RBFOX1: variants seen among roughly 807,000 people sequenced by gnomAD.
RBFOX1 encodes the protein RNA binding fox-1 homolog 1, also known as RNA binding protein fox-1 homolog 1.
In RBFOX1, 8 loss-of-function variants were observed where a neutral mutation model predicts 57.7. That is an observed-to-expected ratio of 0.14 (90% confidence interval 0.08 to 0.25). RBFOX1 has a LOEUF of 0.25. Ranked by LOEUF, RBFOX1 falls within the 10% of genes least tolerant of loss-of-function variation. The pLI is 1.00. For synonymous variants in RBFOX1, 326 were observed against 222.4 expected (o/e 1.47, Z -4.15); for missense variants, 611 against 548.5 (o/e 1.11, Z -1.14).
intron 3 of RBFOX1, among the ~76,000 whole-genome samples, chr16:5,682,661 A>C (rs2050376308): frequency 6.6e-6 from 1 of 152,184 alleles, no homozygotes; most frequent in African/African-American, 2.4e-5. Context: ...CCAAAGTCTC[A>C]AAGCTGAGAA....
At chr16:5,365,980 C>T (rs1246933177) in intron 1 of RBFOX1, 5 of 497,270 alleles carry the variant, frequency 1.0e-5, no homozygotes, top group Admixed American at 6.1e-5. Flanking sequence ...ATTGTGGAAG[C>T]AGAGGCAGTG....
At chr16:5,915,552 CT>C (rs2058686666) in intron 4 of RBFOX1, among the ~76,000 whole-genome samples, 1 of 152,098 alleles carries the variant, frequency 6.6e-6, no homozygotes, top group Non-Finnish European at 1.5e-5. Context: ...AGAAGACAGG[CT>C]GGGCGCCGTG....
At chr16:6,199,936 A>G (rs570493685) in intron 1 of RBFOX1, among the ~76,000 whole-genome samples, 4 of 152,232 alleles carry the variant, frequency 2.6e-5, no homozygotes, top group African/African-American at 4.8e-5. Flanking sequence ...GAGCACAGCC[A>G]GAAACTACAG....
intron 3 of RBFOX1, among the ~76,000 whole-genome samples, chr16:5,825,962 T>C (rs1454453117): frequency 2.1e-5 from 1 of 47,014 alleles, no homozygotes; most frequent in African/African-American, 1.3e-4. Flanking sequence ...TTCCGTAATA[T>C]GAATAAGGAA....
intron 4 of RBFOX1, among the ~76,000 whole-genome samples, chr16:5,987,495 T>G (rs943570993): frequency 3.9e-5 from 6 of 152,218 alleles, no homozygotes; most frequent in Admixed American, 6.5e-5. Flanking sequence ...AAGCTTTTTA[T>G]AGTTTTACAT....
intron 1 of RBFOX1, among the ~76,000 whole-genome samples, chr16:6,245,159 G>A (rs573589895): frequency 2.0e-5 from 3 of 152,208 alleles, no homozygotes; most frequent in Non-Finnish European, 2.9e-5. Context: ...AAATAAATGC[G>A]TGATTGAATG....
chr16:6,617,103 C>G (rs893606826), intron 2 of RBFOX1, among the ~76,000 whole-genome samples: 3 of 151,960 alleles, frequency 2.0e-5, no homozygotes, highest in East Asian at 3.9e-4. Flanking sequence ...TGGCCCACCA[C>G]GAAGAGTTTT....
intron 2 of RBFOX1, among the ~76,000 whole-genome samples, chr16:6,418,268 A>C (rs2093679435): frequency 1.3e-5 from 2 of 152,282 alleles, no homozygotes; most frequent in South Asian, 4.1e-4. Context: ...TCTGGAAATA[A>C]ATCTAGGAGG....
At chr16:5,811,492 C>G (rs1040991207) in intron 3 of RBFOX1, among the ~76,000 whole-genome samples, 1 of 150,076 alleles carries the variant, frequency 6.7e-6, no homozygotes, top group African/African-American at 2.5e-5. Flanking sequence ...CATTCTGTCA[C>G]CAGGCTGGAG....
At chr16:6,825,023 G>T (rs566152733) in intron 3 of RBFOX1, among the ~76,000 whole-genome samples, 81 of 63,454 alleles carry the variant, frequency 1.3e-3, no homozygotes, top group African/African-American at 3.4e-3. Flanking sequence ...TTGAGACGGC[G>T]TCTGGCTCTG....
At chr16:6,800,202 C>G (rs974904465) in intron 3 of RBFOX1, among the ~76,000 whole-genome samples, 2 of 145,884 alleles carry the variant, frequency 1.4e-5, no homozygotes, top group African/African-American at 2.8e-5. Flanking sequence ...ACAAGTCTTG[C>G]TGTTTTCCTG....
At chr16:5,858,675 C>T (rs537028461) in intron 3 of RBFOX1, among the ~76,000 whole-genome samples, 44 of 152,284 alleles carry the variant, frequency 2.9e-4, no homozygotes, top group Admixed American at 4.6e-4. Context: ...TAAGAGAAAC[C>T]TTGTGCGTTT....
At chr16:6,222,449 A>G (rs572839450) in intron 1 of RBFOX1, among the ~76,000 whole-genome samples, 1 of 151,834 alleles carries the variant, frequency 6.6e-6, no homozygotes, top group Admixed American at 6.6e-5. Context: ...CATAGAAGTG[A>G]TAACTGGAGC....
chr16:5,990,040 G>C (rs1406321546), intron 4 of RBFOX1, among the ~76,000 whole-genome samples: 1 of 152,134 alleles, frequency 6.6e-6, no homozygotes, highest in African/African-American at 2.4e-5. Context: ...GCCCAGGCTG[G>C]AGTGGCGCTA....
chr16:7,424,801 A>G (rs563614431), intron 4 of RBFOX1, among the ~76,000 whole-genome samples: 1 of 152,322 alleles, frequency 6.6e-6, no homozygotes, highest in South Asian at 2.1e-4. Context: ...ACAATCACAT[A>G]ATCACCTTTC....
intron 1 of RBFOX1, among the ~76,000 whole-genome samples, chr16:6,292,368 A>AT (rs200471833): frequency 0.021 from 3,092 of 144,506 alleles, 46 homozygotes; most frequent in East Asian, 0.047. Context: ...AGTTCCACAG[A>AT]TTTTTTTTTT....
At chr16:5,699,827 T>G (rs1370055303) in intron 3 of RBFOX1, among the ~76,000 whole-genome samples, 1 of 152,044 alleles carries the variant, frequency 6.6e-6, no homozygotes, top group Non-Finnish European at 1.5e-5. Context: ...TGTGTTCTGG[T>G]TTTATTATTT....
chr16:7,362,225 T>C (rs1415520404), intron 4 of RBFOX1, among the ~76,000 whole-genome samples: 1 of 150,538 alleles, frequency 6.6e-6, no homozygotes, highest in Non-Finnish European at 1.5e-5. Flanking sequence ...TATGTGTTTG[T>C]GTGTTTTGTG....
intron 2 of RBFOX1, among the ~76,000 whole-genome samples, chr16:6,500,185 C>A (rs1163356954): frequency 6.6e-6 from 1 of 152,180 alleles, no homozygotes; most frequent in Non-Finnish European, 1.5e-5. Context: ...AATACCTGGT[C>A]ATCATGCTAC....
Sources: gnomAD v4.1 joint callset for allele counts (sites outside exome capture counted in the v4.1 genomes callset) on GRCh38, gnomAD v4.1.1 for gene constraint, MANE v1.5 for transcripts, NCBI Gene and HGNC (gene_info 2026-07-23, HGNC 2026-07-21) for gene names.